SGCD: variants seen among roughly 807,000 people sequenced by gnomAD.
SGCD encodes the protein sarcoglycan delta.
A neutral mutation model predicts 36.6 loss-of-function variants in SGCD; 18 were observed. That is an observed-to-expected ratio of 0.49 (90% CI 0.34 to 0.73). SGCD has a LOEUF of 0.73. SGCD is among the 30% of genes least tolerant of loss of function. SGCD has a pLI of 0.01. For synonymous variants in SGCD, 133 were observed against 130.6 expected, an observed-to-expected ratio of 1.02 and a Z score of -0.12; for missense variants, 387 against 346.7, an observed-to-expected ratio of 1.12 and a Z score of -0.92.
intron 3 of SGCD, among the ~76,000 whole-genome samples, chr5:156,445,656 C>T (rs944904425): frequency 1.3e-5 from 2 of 152,120 alleles, no homozygotes; most frequent in Non-Finnish European, 2.9e-5. Flanking sequence ...AGTCACTTAA[C>T]CTCTCTGTGC....
intron 6 of SGCD, among the ~76,000 whole-genome samples, chr5:156,610,631 C>T (rs1761748963): frequency 1.3e-5 from 2 of 152,258 alleles, no homozygotes; most frequent in Non-Finnish European, 2.9e-5. Context: ...CTATGCCCTG[C>T]CCCCGGAGGT....
chr5:156,529,748 A>G (rs1006152672), intron 4 of SGCD, among the ~76,000 whole-genome samples: 3 of 152,252 alleles, frequency 2.0e-5, no homozygotes, highest in Non-Finnish European at 4.4e-5. Flanking sequence ...TTATAATCAT[A>G]TACTGTTACT....
chr5:156,441,254 C>A (rs904482781), intron 3 of SGCD, among the ~76,000 whole-genome samples: 1 of 152,120 alleles, frequency 6.6e-6, no homozygotes, highest in Non-Finnish European at 1.5e-5. Context: ...ATACATTGGT[C>A]ATAGACACAG....
chr5:156,458,420 G>A, intron 3 of SGCD: 1 of 1,604,770 alleles, frequency 6.2e-7, no homozygotes, highest in Admixed American at 1.7e-5. Context: ...CGATGTAGTA[G>A]ACACCAATCT....
intron 3 of SGCD, among the ~76,000 whole-genome samples, chr5:156,215,482 G>A (rs1764547059): frequency 6.6e-6 from 1 of 151,962 alleles, no homozygotes; most frequent in Non-Finnish European, 1.5e-5. Context: ...AAACTCAATA[G>A]CAAGAAGACA....
chr5:155,852,634 A>G, the SGCD span, among the ~76,000 whole-genome samples: 3 of 152,332 alleles, frequency 2.0e-5, no homozygotes, highest in East Asian at 3.9e-4. Flanking sequence ...CATGTAGCTC[A>G]CTGAAAACTG....
rs79895125 is a variant in SGCD at position 155,995,294 on chromosome 5, T to G, written c.-281-122584T>G. Among the ~76,000 whole-genome samples the G allele has an allele frequency of 1.6e-3, 248 of 152,336 alleles. 1 individual carries two copies. The highest frequency in any genetic ancestry group is 5.2e-3 in the African/African-American group (215 of 41,576). On this transcript the variant is annotated intron_variant, in intron 1 of 9. Coordinates refer to the SGCD transcript ENST00000517913. ...GTCGGATGATTTCTCTCTTTTCTAT[T>G]TTTTTAAAGAGCAAGCATTATAAAC...
chr5:156,747,550 T>G (rs1187524287), intron 7 of SGCD, among the ~76,000 whole-genome samples: 2 of 152,172 alleles, frequency 1.3e-5, no homozygotes, highest in Admixed American at 6.5e-5. Context: ...TAGTTTTTCT[T>G]GGGCTCATGG....
intron 3 of SGCD, among the ~76,000 whole-genome samples, chr5:156,494,216 C>T (rs1260835486): frequency 6.6e-6 from 1 of 152,008 alleles, no homozygotes; most frequent in Non-Finnish European, 1.5e-5. Flanking sequence ...ATACACATAG[C>T]CTTCCAAGAG....
At chr5:156,627,683 A>G (rs754824540) in intron 6 of SGCD, among the ~76,000 whole-genome samples, 1 of 152,202 alleles carries the variant, frequency 6.6e-6, no homozygotes, top group Non-Finnish European at 1.5e-5. Context: ...CTCTACATTC[A>G]TATAGTAAGT....
intron 3 of SGCD, among the ~76,000 whole-genome samples, chr5:156,352,280 AC>A (rs565668498): frequency 0.012 from 1,863 of 152,292 alleles, 25 homozygotes; most frequent in Non-Finnish European, 0.019. Context: ...TGAAATAGGA[AC>A]CTTAGGAGTC....
At chr5:155,768,882 C>G in the SGCD span, among the ~76,000 whole-genome samples, 1 of 152,104 alleles carries the variant, frequency 6.6e-6, no homozygotes, top group Non-Finnish European at 1.5e-5. Context: ...GGATTGCTCT[C>G]TGGAAAGGTT....
At position 156,564,633 on chromosome 5, in the gene SGCD, A is replaced by C. The variant is rs547242716; in HGVS notation, c.295-24598A>C. ...TGTGAAACAAACTCTGTGCCCATTA[A>C]AAAATAACTCCCCATTCCCTATTTC... On this transcript the variant is annotated intron_variant, in intron 4 of 8. Transcript: ENST00000337851. 3.3e-5 allele frequency among the ~76,000 whole-genome samples: 5 copies of C among 152,142 alleles called. No homozygotes were observed. In the East Asian group the frequency reaches 9.7e-4, roughly 29 times the overall value.
At chr5:156,495,699 C>A (rs1756152931) in intron 3 of SGCD, among the ~76,000 whole-genome samples, 6 of 152,142 alleles carry the variant, frequency 3.9e-5, no homozygotes, top group African/African-American at 1.4e-4. Context: ...TTGGCATAGG[C>A]CTAATCATAT....
chr5:156,312,629 A>G (rs1025400243), intron 3 of SGCD, among the ~76,000 whole-genome samples: 2 of 152,150 alleles, frequency 1.3e-5, no homozygotes, highest in Admixed American at 1.3e-4. Context: ...TCCCATCTTT[A>G]TCTCTTACCC....
the SGCD span, among the ~76,000 whole-genome samples, chr5:155,858,192 T>C: frequency 6.6e-6 from 1 of 152,206 alleles, no homozygotes; most frequent in South Asian, 2.1e-4. Flanking sequence ...CCTTTTCAAG[T>C]TCATTAATAG....
intron 3 of SGCD, among the ~76,000 whole-genome samples, chr5:156,222,231 G>C (rs566557805): frequency 2.0e-4 from 30 of 152,070 alleles, no homozygotes; most frequent in Non-Finnish European, 3.5e-4. Flanking sequence ...GTTCCCATGA[G>C]GGACAGGATA....
the SGCD span, among the ~76,000 whole-genome samples, chr5:155,835,617 T>C: frequency 5.1e-4 from 77 of 152,330 alleles, no homozygotes; most frequent in Non-Finnish European, 9.7e-4. Context: ...TATTAACATA[T>C]CCATTATCTC....
chr5:155,751,701 TG>T, the SGCD span, among the ~76,000 whole-genome samples: 1 of 151,034 alleles, frequency 6.6e-6, no homozygotes, highest in African/African-American at 2.4e-5. Flanking sequence ...TATATCAAGG[TG>T]TTTTTTTTTA....
Sources: gnomAD v4.1 joint callset for allele counts (sites outside exome capture counted in the v4.1 genomes callset) on GRCh38, gnomAD v4.1.1 for gene constraint, MANE v1.5 for transcripts, NCBI Gene and HGNC (gene_info 2026-07-23, HGNC 2026-07-21) for gene names.